ZPLD1: variants seen among roughly 807,000 people sequenced by gnomAD.
ZPLD1 encodes zona pellucida-like domain-containing protein 1.
In ZPLD1, 34 loss-of-function variants were observed where a neutral mutation model predicts 47.2. The observed-to-expected ratio is 0.72, with a 90% CI of 0.55 to 0.96. The LOEUF (loss-of-function observed/expected upper bound fraction) is 0.96. ZPLD1 is among the 40% of genes least tolerant of loss of function. ZPLD1 has a pLI of 0.00. For synonymous variants in ZPLD1, 176 were observed against 186.2 expected (o/e 0.95, Z 0.45); for missense variants, 512 against 505.8 (o/e 1.01, Z -0.12).
In ZPLD1 at chr3:102,477,484, A is replaced by C. The variant is rs144126454; in HGVS notation, c.1114A>C (p.Ser372Arg). 261 of 1,613,614 alleles carry C rather than the reference A, an allele frequency of 1.6e-4. 1 individual carries two copies. The highest frequency in any genetic ancestry group is 1.2e-3 in the Middle Eastern group (7 of 6,080). Reference sequence around the variant, plus strand: ...TCCCTTCCAGCTGAACGCCATCACCAGCGCACTGATATCAGGAATGGTCAT... The same window carrying C: ...TCCCTTCCAGCTGAACGCCATCACCCGCGCACTGATATCAGGAATGGTCAT... ...MPPFQLNAITSALISGMVILG... is the reference protein window; with the variant it reads ...MPPFQLNAITRALISGMVILG... The change falls in exon 12 of 12, where the codon AGC (serine) becomes CGC (arginine). Residue 372 changes from serine to arginine, a missense_variant. Transcript: ENST00000466937.
At chr3:102,391,929 G>A (rs913771521) in intron 6 of ZPLD1, among the ~76,000 whole-genome samples, 2 of 151,916 alleles carry the variant, frequency 1.3e-5, no homozygotes, top group African/African-American at 4.8e-5. Context: ...CTGCTTTTTC[G>A]AGCTCATAGC....
intron 10 of ZPLD1, among the ~76,000 whole-genome samples, chr3:102,472,985 G>A (rs926816683): frequency 3.3e-5 from 5 of 152,292 alleles, no homozygotes; most frequent in African/African-American, 1.2e-4. Flanking sequence ...CATGGCAGAA[G>A]GCAAAGGAAG....
intron 10 of ZPLD1, among the ~76,000 whole-genome samples, chr3:102,472,327 T>A (rs1023746939): frequency 5.3e-5 from 8 of 151,480 alleles, no homozygotes; most frequent in African/African-American, 1.9e-4. Flanking sequence ...AGGTCAGGAG[T>A]TCAAGACCAG....
At chr3:102,451,212 C>T (rs1180795498) in intron 3 of ZPLD1, among the ~76,000 whole-genome samples, 1 of 152,108 alleles carries the variant, frequency 6.6e-6, no homozygotes, top group Non-Finnish European at 1.5e-5. Flanking sequence ...AATAAACACT[C>T]TAAAGAGATA....
rs63183460 is a variant in ZPLD1 at position 102,407,392 on chromosome 3, AATATATATATATATATATATATATATAT to A, written c.-156-10644_-156-10617del. Among the ~76,000 whole-genome samples the A allele has an allele frequency of 2.7e-3, 101 of 37,896 alleles. 4 individuals carry two copies. The highest frequency in any genetic ancestry group is 7.3e-3 in the South Asian group (4 of 546). 24.9% of individuals were successfully genotyped at this position (37,896 alleles called of 152,430 possible). A position where few individuals can be genotyped will look rare whatever the true frequency, so the allele number is the denominator to read the frequency against. ...GTATTTATAGAAGCCTTGATTTTCA[AATATATATATATATATATATATATATAT>A]ATATATATATATATATATATATACA... On this transcript the variant is annotated intron_variant, in intron 7 of 17. Transcript: ENST00000491959.
At chr3:102,389,196 G>T (rs1024540498) in intron 6 of ZPLD1, among the ~76,000 whole-genome samples, 2 of 152,210 alleles carry the variant, frequency 1.3e-5, no homozygotes, top group Non-Finnish European at 2.9e-5. Context: ...GTATGCCCTG[G>T]TGCTGGAGAG....
chr3:102,387,213 C>T (rs2107281179), intron 6 of ZPLD1, among the ~76,000 whole-genome samples: 1 of 152,234 alleles, frequency 6.6e-6, no homozygotes, highest in Non-Finnish European at 1.5e-5. Context: ...TTCCACTGTC[C>T]CAAGTCTCCC....
chr3:102,471,265 T>G (rs1172687531), intron 10 of ZPLD1, among the ~76,000 whole-genome samples: 1 of 152,108 alleles, frequency 6.6e-6, no homozygotes, highest in African/African-American at 2.4e-5. Context: ...TCCACAGGGC[T>G]CCTCCCAGAC....
upstream of ZPLD1, among the ~76,000 whole-genome samples, chr3:102,431,724 C>T (rs922636527): frequency 6.6e-6 from 1 of 152,140 alleles, no homozygotes; most frequent in African/African-American, 2.4e-5. Flanking sequence ...GCCTGGCCAA[C>T]ATGGTGAAAC....
rs916586367 is a variant in ZPLD1, at chr3:102,471,774, TA to T, written c.1042+1275del. Among the ~76,000 whole-genome samples, 5 of 152,268 alleles carry T rather than the reference TA, an allele frequency of 3.3e-5. No individual in the cohort carries two copies. The East Asian group carries it at 9.6e-4, about 29-fold the overall frequency. On this transcript the variant is annotated intron_variant, in intron 10 of 11. Coordinates refer to ENST00000466937, the MANE Select transcript of ZPLD1 (RefSeq NM_001329788.2). ...CTTTGGGAAAATGTTTCTTCATTTT[TA>T]AAGTAAAAGTTTTTAACAAGTTTAT...
At chr3:102,435,444 C>G (rs1188115560) in intron 1 of ZPLD1, among the ~76,000 whole-genome samples, 1 of 152,120 alleles carries the variant, frequency 6.6e-6, no homozygotes, top group Non-Finnish European at 1.5e-5. Context: ...TAGCTTAGCT[C>G]TAGAGTACAT....
At chr3:102,406,118 A>G (rs1372820723) in intron 7 of ZPLD1, among the ~76,000 whole-genome samples, 1 of 152,006 alleles carries the variant, frequency 6.6e-6, no homozygotes. Flanking sequence ...TGGCAGTCAT[A>G]CAGTTGTACA....
rs200988085 is a variant in ZPLD1 at position 102,435,108 on chromosome 3, T to C, written c.-169T>C. ...TAAAATAGCATCTCCAAGCTTGCTA[T>C]GGCAAGATGATGCTCAGGTTTTCCA... is the stretch of plus-strand genomic sequence containing the variant. On this transcript the variant is annotated 5_prime_UTR_variant, in exon 1 of 12. The change abolishes an upstream ATG in the 5' untranslated region. Transcript: ENST00000466937. The C allele has an allele frequency of 2.0e-4, 320 of 1,614,152 alleles. No homozygotes were observed. Among genetic ancestry groups the C allele is most frequent in the Admixed American group, 1.5e-3 (90 of 60,030 alleles).
chr3:102,393,258 C>T (rs944785033), intron 7 of ZPLD1, among the ~76,000 whole-genome samples: 6 of 152,098 alleles, frequency 3.9e-5, no homozygotes, highest in African/African-American at 1.2e-4. Context: ...AGCCAACTAC[C>T]GGCCCAGAAG....
intron 8 of ZPLD1, among the ~76,000 whole-genome samples, chr3:102,425,357 T>C (rs959953317): frequency 1.3e-5 from 2 of 152,156 alleles, no homozygotes; most frequent in Admixed American, 6.6e-5. Flanking sequence ...TATATTATAA[T>C]ATACAGAAAA....
chr3:102,440,551 A>G (rs1707160835), intron 3 of ZPLD1, among the ~76,000 whole-genome samples: 1 of 152,160 alleles, frequency 6.6e-6, no homozygotes, highest in Non-Finnish European at 1.5e-5. Context: ...TTTAGAATAT[A>G]TAGTGGCAGT....
At chr3:102,457,682 A>G (rs1707439629) in intron 5 of ZPLD1, 99 bp from the exon 6 acceptor site, 6 of 1,027,396 alleles carry the variant, frequency 5.8e-6, no homozygotes, top group Admixed American at 3.7e-5. Context: ...ACAGTATGTC[A>G]GAATTATTCA....
chr3:102,400,943 T>G (rs1320885958), intron 7 of ZPLD1, among the ~76,000 whole-genome samples: 2 of 152,092 alleles, frequency 1.3e-5, no homozygotes, highest in Admixed American at 6.6e-5. Flanking sequence ...AGGTGTGGAA[T>G]ATTTTCATTC....
At chr3:102,476,278 A>G (rs770230937) in intron 10 of ZPLD1, among the ~76,000 whole-genome samples, 1 of 152,212 alleles carries the variant, frequency 6.6e-6, no homozygotes, top group Non-Finnish European at 1.5e-5. Flanking sequence ...TCTTATTTCA[A>G]ATATGAAATA....
Sources: gnomAD v4.1 joint callset for allele counts (sites outside exome capture counted in the v4.1 genomes callset) on GRCh38, gnomAD v4.1.1 for gene constraint, MANE v1.5 for transcripts, NCBI Gene and HGNC (gene_info 2026-07-23, HGNC 2026-07-21) for gene names.